Variants in CFAP100 observed in about 807,000 individuals in gnomAD.
CFAP100 encodes the protein cilia- and flagella-associated protein 100.
In CFAP100, 70 loss-of-function variants were observed where a neutral mutation model predicts 81.5. The observed-to-expected ratio is 0.86, with a 90% CI of 0.71 to 1.05. CFAP100 has a LOEUF of 1.05. CFAP100 is among the 50% of genes least tolerant of loss of function. The pLI is 0.00. For synonymous variants in CFAP100, 341 were observed against 314.8 expected, an observed-to-expected ratio of 1.08 and a Z score of -0.88; for missense variants, 811 against 776.5, an observed-to-expected ratio of 1.04 and a Z score of -0.53.
chr3:126,420,434 T>C (rs963967110), intron 11 of CFAP100, among the ~76,000 whole-genome samples: 2 of 152,214 alleles, frequency 1.3e-5, no homozygotes, highest in African/African-American at 4.8e-5. Flanking sequence ...TCCATTGTGG[T>C]TCCCATGGGA....
At chr3:126,419,053 C>CAA in intron 7 of CFAP100, 23 bp from the exon 8 acceptor site, 2 of 1,311,594 alleles carry the variant, frequency 1.5e-6, no homozygotes, top group Non-Finnish European at 2.1e-6. Context: ...CCCATCCCTC[C>CAA]TCCCCCGCCG....
At chr3:126,397,684 G>C (rs1047938052) in intron 2 of CFAP100, among the ~76,000 whole-genome samples, 11 of 152,352 alleles carry the variant, frequency 7.2e-5, no homozygotes, top group Admixed American at 7.2e-4. Context: ...AGAGTCAGGT[G>C]GGTCAGGGAG....
intron 2 of CFAP100, among the ~76,000 whole-genome samples, chr3:126,401,988 A>T (rs1177513215): frequency 1.3e-5 from 2 of 152,090 alleles, no homozygotes; most frequent in Non-Finnish European, 2.9e-5. Flanking sequence ...GGGCTCCCTG[A>T]TTGCCCCAGC....
chr3:126,398,046 GC>G (rs2082915299), intron 2 of CFAP100, among the ~76,000 whole-genome samples: 1 of 152,256 alleles, frequency 6.6e-6, no homozygotes. Flanking sequence ...AGGACTATTG[GC>G]CTCTGCCCAG....
At chr3:126,415,060 C>T (rs2083212661) in intron 4 of CFAP100, among the ~76,000 whole-genome samples, 1 of 152,288 alleles carries the variant, frequency 6.6e-6, no homozygotes, top group Admixed American at 6.5e-5. Context: ...GACCCAGAGA[C>T]TCTCTGACCC....
chr3:126,405,272 G>A (rs1400986907), intron 2 of CFAP100, among the ~76,000 whole-genome samples: 1 of 152,148 alleles, frequency 6.6e-6, no homozygotes, highest in Non-Finnish European at 1.5e-5. Context: ...ATGTCCTTAA[G>A]GTTCATTTCT....
chr3:126,420,455 A>C (rs1178433557), intron 11 of CFAP100, among the ~76,000 whole-genome samples: 1 of 152,188 alleles, frequency 6.6e-6, no homozygotes, highest in Non-Finnish European at 1.5e-5. Flanking sequence ...ATTAAGGTTG[A>C]GGCGGGTGAG....
chr3:126,410,705 C>T (rs1448808041), intron 3 of CFAP100, among the ~76,000 whole-genome samples: 1 of 152,144 alleles, frequency 6.6e-6, no homozygotes, highest in Non-Finnish European at 1.5e-5. Context: ...CCAGTGAGGA[C>T]CCTCATTTTA....
At chr3:126,419,050 C>CAACA in intron 7 of CFAP100, 26 bp from the exon 8 acceptor site, 19 of 1,194,982 alleles carry the variant, frequency 1.6e-5, no homozygotes, top group East Asian at 2.5e-5. Context: ...GCCCCCATCC[C>CAACA]TCCTCCCCCG....
chr3:126,413,435 C>T (rs2083188261), intron 3 of CFAP100, among the ~76,000 whole-genome samples: 1 of 152,214 alleles, frequency 6.6e-6, no homozygotes, highest in African/African-American at 2.4e-5. Flanking sequence ...AGCCCATGTG[C>T]TTAGTTTACC....
At chr3:126,414,563 C>T (rs2083204767) in intron 4 of CFAP100, among the ~76,000 whole-genome samples, 1 of 152,238 alleles carries the variant, frequency 6.6e-6, no homozygotes, top group African/African-American at 2.4e-5. Flanking sequence ...ATCCCACAGG[C>T]ACCCCCTGCT....
intron 13 of CFAP100, among the ~76,000 whole-genome samples, chr3:126,427,519 T>C (rs181721726): frequency 6.6e-6 from 1 of 152,348 alleles, no homozygotes. Context: ...GGCTCATCCA[T>C]GTGCAGATTT....
chr3:126,403,884 A>G (rs1204491586), intron 2 of CFAP100, among the ~76,000 whole-genome samples: 1 of 152,244 alleles, frequency 6.6e-6, no homozygotes, highest in Non-Finnish European at 1.5e-5. Flanking sequence ...TTTCTAAACA[A>G]GACACTAAAC....
intron 13 of CFAP100, among the ~76,000 whole-genome samples, chr3:126,425,343 A>G (rs910823529): frequency 6.6e-6 from 1 of 152,228 alleles, no homozygotes; most frequent in East Asian, 1.9e-4. Context: ...AAAAATCAAA[A>G]TATAGTCTTA....
chr3:126,416,070 T>C (rs1644764591), intron 4 of CFAP100, among the ~76,000 whole-genome samples: 1 of 152,058 alleles, frequency 6.6e-6, no homozygotes. Flanking sequence ...CCTCTGTGGG[T>C]CTGGAGTGCT....
intron 11 of CFAP100, among the ~76,000 whole-genome samples, chr3:126,421,279 C>A (rs1472044864): frequency 6.6e-6 from 1 of 152,236 alleles, no homozygotes; most frequent in Non-Finnish European, 1.5e-5. Flanking sequence ...GCTGGGATTA[C>A]AGGCATGAGC....
In CFAP100 at chr3:126,423,566, C is replaced by T. The variant is rs751523536; in HGVS notation, c.1208C>T (p.Ser403Leu). The change falls in exon 13 of 17, where the codon TCG becomes TTG. Residue 403 changes from serine to leucine, a missense_variant. Physicochemically the swap from Ser to Leu is moderately radical, Grantham distance 145. Transcript: ENST00000352312. Reference protein sequence around the residue: ...VFRELEEQNLSLIQNSQETEK... With the variant: ...VFRELEEQNLLLIQNSQETEK... ...CGAGAGCTGGAGGAGCAGAACCTGT[C>T]GCTGATCCAGAACAGCCAGGAGACG... The T allele has an allele frequency of 1.2e-5, 20 of 1,613,934 alleles. No homozygotes were observed. The highest frequency in any genetic ancestry group is 1.6e-5 in the Non-Finnish European group (19 of 1,179,862).
chr3:126,415,146 G>C (rs902550498), intron 4 of CFAP100, among the ~76,000 whole-genome samples: 8 of 152,028 alleles, frequency 5.3e-5, no homozygotes, highest in African/African-American at 1.4e-4. Flanking sequence ...AGCCTAGCTC[G>C]AGGCCTCCCC....
intron 15 of CFAP100, 144 bp downstream of exon 15, chr3:126,434,525 G>T (rs1417691755): frequency 6.2e-6 from 5 of 802,282 alleles, no homozygotes; most frequent in Non-Finnish European, 9.7e-6. Context: ...CCATGTCTTG[G>T]GGGGATCTAG....
Sources: gnomAD v4.1 joint callset for allele counts (sites outside exome capture counted in the v4.1 genomes callset) on GRCh38, gnomAD v4.1.1 for gene constraint, MANE v1.5 for transcripts, NCBI Gene and HGNC (gene_info 2026-07-23, HGNC 2026-07-21) for gene names.